ERC2: variants seen among roughly 807,000 people sequenced by gnomAD.
ERC2 encodes ELKS/RAB6-interacting/CAST family member 2.
A neutral mutation model predicts 114.8 loss-of-function variants in ERC2; 42 were observed. The observed-to-expected ratio is 0.37, with a 90% CI of 0.29 to 0.47. The LOEUF (loss-of-function observed/expected upper bound fraction) is 0.47, where lower values mean the gene tolerates loss of function less well. Ranked by LOEUF, ERC2 falls within the 20% of genes least tolerant of loss-of-function variation. The probability of loss-of-function intolerance (pLI) is 0.99; values close to 1 mark genes in which losing one functional copy is unlikely to be tolerated. For synonymous variants in ERC2, 454 were observed against 425.5 expected, an observed-to-expected ratio of 1.07 and a Z score of -0.82; for missense variants, 939 against 1,150.7, an observed-to-expected ratio of 0.82 and a Z score of 2.66.
chr3:55,646,581 C>T (rs2060409205), intron 17 of ERC2, among the ~76,000 whole-genome samples: 1 of 152,036 alleles, frequency 6.6e-6, no homozygotes, highest in Admixed American at 6.6e-5. Context: ...CCTTTTTCAC[C>T]GAAAATCTTA....
intron 13 of ERC2, among the ~76,000 whole-genome samples, chr3:55,909,391 AG>A (rs2064665455): frequency 6.6e-6 from 1 of 152,212 alleles, no homozygotes; most frequent in Admixed American, 6.5e-5. Flanking sequence ...GAGAGATAAA[AG>A]GTCTTTGTTC....
At chr3:55,984,493 G>T (rs1246008726) in intron 12 of ERC2, among the ~76,000 whole-genome samples, 1 of 152,112 alleles carries the variant, frequency 6.6e-6, no homozygotes, top group Non-Finnish European at 1.5e-5. Context: ...ATACAGGCAG[G>T]CAAGGAGAAA....
intron 14 of ERC2, among the ~76,000 whole-genome samples, chr3:55,827,898 T>G (rs2060397548): frequency 6.6e-6 from 1 of 152,226 alleles, no homozygotes; most frequent in South Asian, 2.1e-4. Context: ...ATTTGGGATA[T>G]TCACAAAACT....
intron 4 of ERC2, among the ~76,000 whole-genome samples, chr3:56,166,867 A>G (rs551071341): frequency 2.0e-5 from 3 of 151,938 alleles, no homozygotes; most frequent in Non-Finnish European, 2.9e-5. Flanking sequence ...CCACTCTAGT[A>G]TATGTTTACC....
At chr3:55,605,529 T>C (rs1409781508) in intron 17 of ERC2, among the ~76,000 whole-genome samples, 1 of 152,250 alleles carries the variant, frequency 6.6e-6, no homozygotes, top group Non-Finnish European at 1.5e-5. Context: ...GGACTAATCA[T>C]TGCATACGGA....
chr3:56,263,954 T>C (rs887467781), intron 3 of ERC2, among the ~76,000 whole-genome samples: 3 of 152,140 alleles, frequency 2.0e-5, no homozygotes, highest in Non-Finnish European at 4.4e-5. Context: ...TTATTATACA[T>C]TGTGACCACA....
chr3:55,910,995 ATAGTC>A (rs1166784746), intron 13 of ERC2, among the ~76,000 whole-genome samples: 2 of 152,208 alleles, frequency 1.3e-5, no homozygotes, highest in Non-Finnish European at 1.5e-5. Flanking sequence ...CATGGTGCTC[ATAGTC>A]TAGCAAATAA....
At chr3:56,290,372 C>T (rs1423790173) in intron 3 of ERC2, among the ~76,000 whole-genome samples, 1 of 152,154 alleles carries the variant, frequency 6.6e-6, no homozygotes, top group Non-Finnish European at 1.5e-5. Flanking sequence ...ATGGAATGTA[C>T]TGATCAGGTA....
intron 13 of ERC2, among the ~76,000 whole-genome samples, chr3:55,949,327 G>A (rs955885500): frequency 2.0e-5 from 3 of 151,942 alleles, no homozygotes; most frequent in South Asian, 2.1e-4. Flanking sequence ...CCAAGATCGC[G>A]CCACTGCTCT....
At chr3:56,308,485 T>C (rs2056360207) in intron 2 of ERC2, among the ~76,000 whole-genome samples, 1 of 152,162 alleles carries the variant, frequency 6.6e-6, no homozygotes, top group African/African-American at 2.4e-5. Context: ...ATCTCAGAAG[T>C]CTAAAACACA....
At position 55,777,951 on chromosome 3, in the gene ERC2, C is replaced by T. The variant is rs144779249; in HGVS notation, c.2565-43033G>A. On this transcript the variant is annotated intron_variant, in intron 14 of 17. Coordinates refer to ENST00000288221, the MANE Select transcript of ERC2 (RefSeq NM_015576.3). ...AGGTTTTTTATTTTCTAAAGAGAAA[C>T]AAAACTTTCAGACCATAGGAAATTT... Among the ~76,000 whole-genome samples, 431 of 152,088 alleles carry T rather than the reference C, an allele frequency of 2.8e-3. 2 individuals are homozygous for T. The highest frequency in any genetic ancestry group is 9.9e-3 in the African/African-American group (411 of 41,498).
chr3:56,012,225 G>A (rs1202937093), intron 8 of ERC2, among the ~76,000 whole-genome samples: 1 of 151,976 alleles, frequency 6.6e-6, no homozygotes, highest in Non-Finnish European at 1.5e-5. Context: ...GCTGCCTTTT[G>A]CCCACACTAC....
intron 7 of ERC2, among the ~76,000 whole-genome samples, chr3:56,048,920 G>A (rs748884554): frequency 2.6e-5 from 4 of 152,180 alleles, no homozygotes; most frequent in Non-Finnish European, 5.9e-5. Context: ...GCTGAGTTAC[G>A]TGAGATGGGT....
At chr3:55,518,496 C>A (rs2052684263) in intron 17 of ERC2, among the ~76,000 whole-genome samples, 1 of 152,166 alleles carries the variant, frequency 6.6e-6, no homozygotes, top group Admixed American at 6.5e-5. Flanking sequence ...AAGACACTTG[C>A]TGAGTTAAGT....
intron 7 of ERC2, among the ~76,000 whole-genome samples, chr3:56,064,608 C>T (rs1011406902): frequency 1.3e-5 from 2 of 152,238 alleles, no homozygotes; most frequent in Non-Finnish European, 2.9e-5. Context: ...GAACGACTTA[C>T]TTCCCTTTGC....
intron 3 of ERC2, among the ~76,000 whole-genome samples, chr3:56,203,448 A>C (rs1047686897): frequency 3.9e-5 from 6 of 152,234 alleles, no homozygotes; most frequent in African/African-American, 1.4e-4. Flanking sequence ...AGAAAACCCC[A>C]ATTATTAAGT....
At chr3:55,772,868 C>T (rs1331445677) in intron 14 of ERC2, among the ~76,000 whole-genome samples, 4 of 152,134 alleles carry the variant, frequency 2.6e-5, no homozygotes, top group Non-Finnish European at 5.9e-5. Flanking sequence ...ACAACCTGCT[C>T]CCTGCCCCTG....
At chr3:56,194,158 T>C (rs1399298352) in intron 3 of ERC2, among the ~76,000 whole-genome samples, 2 of 152,160 alleles carry the variant, frequency 1.3e-5, no homozygotes, top group Non-Finnish European at 2.9e-5. Context: ...TAGGTACTCA[T>C]ATAAAGATTT....
At chr3:55,683,130 A>G (rs182873539) in intron 17 of ERC2, among the ~76,000 whole-genome samples, 2 of 152,358 alleles carry the variant, frequency 1.3e-5, no homozygotes, top group East Asian at 3.9e-4. Flanking sequence ...ATAGAAGTAT[A>G]ATTTTTAAAA....
Sources: allele counts gnomAD v4.1 joint callset (sites outside exome capture counted in the v4.1 genomes callset), GRCh38; gene constraint gnomAD v4.1.1; transcripts MANE v1.5; gene names NCBI Gene and HGNC (gene_info 2026-07-23, HGNC 2026-07-21).